Variants in CDH13 observed in about 807,000 individuals in gnomAD.
CDH13 encodes cadherin-13.
Under a neutral mutation model 63.8 loss-of-function variants are expected in CDH13, and 24 were observed. The observed-to-expected ratio is 0.38, with a 90% CI of 0.27 to 0.53. The LOEUF is 0.53. Among genes scored for constraint, CDH13 ranks in the 20% least tolerant of loss-of-function variants. The probability of loss-of-function intolerance (pLI) is 0.85; values close to 1 mark genes in which losing one functional copy is unlikely to be tolerated. For synonymous variants in CDH13, 503 were observed against 355.3 expected (o/e 1.42, Z -4.67); for missense variants, 1,049 against 903.1 (o/e 1.16, Z -2.07).
At chr16:82,952,888 G>C (rs1420305759) in intron 2 of CDH13, among the ~76,000 whole-genome samples, 1 of 152,172 alleles carries the variant, frequency 6.6e-6, no homozygotes, top group African/African-American at 2.4e-5. Context: ...ACTGAAGCCA[G>C]CTGGAAACCA....
chr16:83,588,311 A>G (rs1906376163), intron 7 of CDH13, among the ~76,000 whole-genome samples: 1 of 152,192 alleles, frequency 6.6e-6, no homozygotes. Flanking sequence ...GACCTGTAAC[A>G]TCTGCAGACC....
intron 5 of CDH13, among the ~76,000 whole-genome samples, chr16:83,217,740 G>A (rs1362700887): frequency 6.6e-6 from 1 of 152,142 alleles, no homozygotes; most frequent in Non-Finnish European, 1.5e-5. Flanking sequence ...AGACCAAGAA[G>A]GGAGACCCTG....
intron 7 of CDH13, among the ~76,000 whole-genome samples, chr16:83,546,721 G>C (rs1280763596): frequency 6.6e-6 from 1 of 152,136 alleles, no homozygotes. Flanking sequence ...CCTGACCTCA[G>C]AGTAAACACC....
chr16:83,395,934 C>T (rs998866106), intron 6 of CDH13, among the ~76,000 whole-genome samples: 1 of 152,104 alleles, frequency 6.6e-6, no homozygotes, highest in Non-Finnish European at 1.5e-5. Flanking sequence ...AGTTATTTTT[C>T]CTGATCCTCT....
At chr16:83,610,474 A>G (rs1208324124) in intron 8 of CDH13, among the ~76,000 whole-genome samples, 1 of 152,168 alleles carries the variant, frequency 6.6e-6, no homozygotes, top group African/African-American at 2.4e-5. Context: ...ATGATCAGCA[A>G]CTCAAAAGCT....
At chr16:83,749,321 C>T (rs570721911) in intron 11 of CDH13, among the ~76,000 whole-genome samples, 1 of 152,254 alleles carries the variant, frequency 6.6e-6, no homozygotes, top group East Asian at 1.9e-4. Flanking sequence ...GTGAGCAATC[C>T]ATGTGACACA....
chr16:83,562,789 G>C (rs1416653124), intron 7 of CDH13, among the ~76,000 whole-genome samples: 1 of 152,168 alleles, frequency 6.6e-6, no homozygotes, highest in African/African-American at 2.4e-5. Flanking sequence ...AATCATGTCT[G>C]TGTTCCTATA....
intron 10 of CDH13, chr16:83,721,702 C>T (rs1909713827): frequency 6.6e-6 from 1 of 152,226 alleles, no homozygotes; most frequent in Non-Finnish European, 1.5e-5. Context: ...CCAGTGTTAA[C>T]CACCTGGCGA....
chr16:82,756,509 C>T (rs2151076845), intron 1 of CDH13, among the ~76,000 whole-genome samples: 1 of 152,128 alleles, frequency 6.6e-6, no homozygotes, highest in Non-Finnish European at 1.5e-5. Context: ...AGTTCCTTGC[C>T]CAAGTTTCTC....
chr16:82,718,477 A>G (rs118017283), intron 1 of CDH13, among the ~76,000 whole-genome samples: 36 of 152,306 alleles, frequency 2.4e-4, no homozygotes, highest in Non-Finnish European at 4.6e-4. Flanking sequence ...ATGGTGAAGA[A>G]GAAGGAGAAA....
chr16:82,796,754 A>T (rs570511736), intron 1 of CDH13, among the ~76,000 whole-genome samples: 6 of 152,294 alleles, frequency 3.9e-5, no homozygotes, highest in Admixed American at 3.3e-4. Flanking sequence ...CTTTTAGTTG[A>T]CGAATTATAA....
intron 4 of CDH13, among the ~76,000 whole-genome samples, chr16:83,167,739 G>A (rs937729199): frequency 6.7e-6 from 1 of 149,056 alleles, no homozygotes; most frequent in African/African-American, 2.5e-5. Context: ...CCTCCTTCTG[G>A]TTTCCATTTT....
intron 3 of CDH13, among the ~76,000 whole-genome samples, chr16:83,105,023 A>C (rs1034698873): frequency 4.6e-5 from 7 of 151,868 alleles, no homozygotes; most frequent in African/African-American, 1.5e-4. Flanking sequence ...TTTAACTTTT[A>C]AGTTCCGGGG....
At chr16:83,305,678 T>C (rs970218372) in intron 5 of CDH13, among the ~76,000 whole-genome samples, 2 of 152,214 alleles carry the variant, frequency 1.3e-5, no homozygotes, top group Non-Finnish European at 2.9e-5. Flanking sequence ...TGTATCTTAG[T>C]GCTGCCAATT....
At chr16:82,928,468 C>A (rs1278564389) in intron 2 of CDH13, among the ~76,000 whole-genome samples, 1 of 152,200 alleles carries the variant, frequency 6.6e-6, no homozygotes, top group Non-Finnish European at 1.5e-5. Context: ...CCACCAGGAG[C>A]ATTTGAAAGT....
chr16:83,649,107 A>T (rs538793444), intron 8 of CDH13, among the ~76,000 whole-genome samples: 1 of 152,324 alleles, frequency 6.6e-6, no homozygotes, highest in South Asian at 2.1e-4. Context: ...TATGAAGTCC[A>T]GCCTCCTCGC....
intron 13 of CDH13, among the ~76,000 whole-genome samples, chr16:83,793,313 A>G (rs1395663764): frequency 6.6e-6 from 1 of 152,156 alleles, no homozygotes; most frequent in Non-Finnish European, 1.5e-5. Context: ...AACACGCCTC[A>G]TTTTGAAACC....
intron 4 of CDH13, among the ~76,000 whole-genome samples, chr16:83,168,322 T>C (rs1374630996): frequency 6.6e-6 from 1 of 152,046 alleles, no homozygotes; most frequent in African/African-American, 2.4e-5. Flanking sequence ...CATTATATAA[T>C]ATAGATATTT....
intron 11 of CDH13, among the ~76,000 whole-genome samples, chr16:83,757,671 G>A (rs181279804): frequency 6.6e-6 from 1 of 151,598 alleles, no homozygotes; most frequent in East Asian, 1.9e-4. Flanking sequence ...AAACTGTTGG[G>A]CAAAAAAAGA....
Sources: gnomAD v4.1 joint callset for allele counts (sites outside exome capture counted in the v4.1 genomes callset) on GRCh38, gnomAD v4.1.1 for gene constraint, MANE v1.5 for transcripts, NCBI Gene and HGNC (gene_info 2026-07-23, HGNC 2026-07-21) for gene names.